Variants in NOC3L observed in about 807,000 individuals in gnomAD.
NOC3L encodes the protein NOC3 like DNA replication regulator.
NOC3L carries 85 observed loss-of-function variants against 102.5 expected under a neutral mutation model. The ratio of observed to expected loss-of-function variants is 0.83; its 90% CI spans 0.70 to 0.99. The LOEUF is 0.99. Among genes scored for constraint, NOC3L ranks in the 50% least tolerant of loss-of-function variants. The pLI is 0.00. For synonymous variants in NOC3L, 303 were observed against 309.4 expected, an observed-to-expected ratio of 0.98 and a Z score of 0.22; for missense variants, 878 against 914.9, an observed-to-expected ratio of 0.96 and a Z score of 0.52.
intron 10 of NOC3L, among the ~76,000 whole-genome samples, chr10:94,348,601 A>G (rs1285642235): frequency 6.6e-6 from 1 of 152,118 alleles, no homozygotes; most frequent in South Asian, 2.1e-4. Context: ...AGCAGGTAAA[A>G]AAAGTTTATA....
chr10:94,340,177 T>G, intron 16 of NOC3L, 99 bp downstream of exon 16: 1 of 1,018,822 alleles, frequency 9.8e-7, no homozygotes, highest in Non-Finnish European at 1.4e-6. Flanking sequence ...CACCATTTTA[T>G]GTACCTGTTC....
chr10:94,348,675 G>A (rs909632442), intron 10 of NOC3L, among the ~76,000 whole-genome samples: 2 of 152,126 alleles, frequency 1.3e-5, no homozygotes, highest in Non-Finnish European at 2.9e-5. Context: ...GAGCAGGTAG[G>A]AGGGAACTGA....
Position 94,339,870 on chromosome 10 carries a change from G to C in NOC3L, c.1831C>G (p.Leu611Val), listed in dbSNP as rs762650110. Residue 611 changes from leucine to valine, a missense_variant, in exon 17 of 21, where the codon CTA becomes GTA. Leu to Val is a conservative substitution (Grantham distance 32). Transcript: ENST00000371361. ...EIVLQCLDVM[L>V]TKRRKQVSQQ... is the part of the protein sequence containing the mutation. ...GAAACTTGCTTTCTGCGCTTAGTTA[G>C]CATGACATCAAGGCACTGGAGTACA... is the stretch of plus-strand genomic sequence containing the variant. 1.9e-6 allele frequency: 3 copies of C among 1,614,202 alleles called. No individual in the cohort carries two copies. Among genetic ancestry groups the C allele is most frequent in the Non-Finnish European group, 2.5e-6 (3 of 1,180,026 alleles).
intron 13 of NOC3L, among the ~76,000 whole-genome samples, chr10:94,342,553 TACACACACAC>T (rs3052367): frequency 1.8e-3 from 264 of 148,184 alleles, no homozygotes; most frequent in Non-Finnish European, 2.4e-3. Context: ...TGCATGAAGA[TACACACACAC>T]ACACACACAC....
the NOC3L span, among the ~76,000 whole-genome samples, chr10:94,316,989 G>A: frequency 1.3e-5 from 2 of 152,226 alleles, no homozygotes; most frequent in South Asian, 2.1e-4. Context: ...GGTGGCTCAC[G>A]CCTGTAATCT....
the NOC3L span, chr10:94,315,349 C>A: frequency 7.5e-5 from 34 of 454,658 alleles, no homozygotes; most frequent in Admixed American, 8.0e-4. Context: ...TTAATCCAGA[C>A]CAGATGGTGG....
In NOC3L at chr10:94,337,855, A is replaced by G. The variant is rs1178451034; in HGVS notation, c.2111T>C (p.Val704Ala). 1.9e-6 allele frequency: 3 copies of G among 1,613,856 alleles called. No individual in the cohort carries two copies. The African/African-American group carries it at 4.0e-5, about 22-fold the overall frequency. The change falls in exon 19 of 21, where the codon GTG becomes GCG. Residue 704 changes from valine to alanine, a missense_variant. Transcript: ENST00000371361. Reference protein sequence around the residue: ...HALRRHYHPIVQRFAAHLIAG... With the variant: ...HALRRHYHPIAQRFAAHLIAG... The stretch of plus-strand genomic sequence containing the variant: ...GATCAGGTGGGCTGCAAATCTCTGC[A>G]CTATGGGATGATAATGCCTCTGAAG...
At chr10:94,322,040 C>T in the NOC3L span, 6 of 1,614,014 alleles carry the variant, frequency 3.7e-6, no homozygotes, top group African/African-American at 1.3e-5. Flanking sequence ...GTCAGCACTG[C>T]ACAGGATGTC....
chr10:94,326,620 A>G, the NOC3L span, among the ~76,000 whole-genome samples: 1 of 152,222 alleles, frequency 6.6e-6, no homozygotes, highest in African/African-American at 2.4e-5. Context: ...AGAAGAATAC[A>G]ACTCCATTAG....
intron 5 of NOC3L, among the ~76,000 whole-genome samples, 178 bp downstream of exon 5, chr10:94,356,357 G>C (rs373688837): frequency 6.6e-6 from 1 of 152,024 alleles, no homozygotes; most frequent in South Asian, 2.1e-4. Context: ...AAAAAATAAA[G>C]AATCTATTAA....
chr10:94,352,492 C>T lies in NOC3L; in HGVS notation c.859-89G>A, dbSNP rs1018834724. On this transcript the variant is annotated intron_variant, in intron 7 of 20. Transcript: ENST00000371361. ...TAAAATATGTGTGTCTAGTATACAC[C>T]CAGTACTATTTAAAAAAACAAAAAA... 4.9e-6 allele frequency: 4 copies of T among 824,466 alleles called. No homozygotes were observed. The African/African-American group carries it at 7.0e-5, about 14-fold the overall frequency. 51.1% of individuals were successfully genotyped at this position (824,466 alleles called of 1,614,324 possible). A position where few individuals can be genotyped will look rare whatever the true frequency, so the allele number is the denominator to read the frequency against.
chr10:94,318,585 G>A, the NOC3L span, among the ~76,000 whole-genome samples: 4 of 152,152 alleles, frequency 2.6e-5, no homozygotes, highest in African/African-American at 2.4e-5. Context: ...CCACCATCCT[G>A]TGCTACCCAA....
intron 6 of NOC3L, 141 bp from the exon 7 acceptor site, chr10:94,353,198 C>G (rs2054442524): frequency 1.5e-6 from 1 of 647,252 alleles, no homozygotes; most frequent in African/African-American, 1.8e-5. Context: ...AACTCCAGAC[C>G]CTGCTCACTT....
At chr10:94,357,773 T>G in intron 3 of NOC3L, 1 of 314,366 alleles carries the variant, frequency 3.2e-6, no homozygotes, top group Non-Finnish European at 5.8e-6. Context: ...ACCAGCAGGG[T>G]AATGAGGATT....
the NOC3L span, chr10:94,316,398 G>T: frequency 3.1e-6 from 2 of 635,028 alleles, no homozygotes; most frequent in East Asian, 2.9e-5. Flanking sequence ...GAACATAAGA[G>T]AATTCTTAGA....
chr10:94,361,181 T>C (rs1453873577), intron 2 of NOC3L: 1 of 155,590 alleles, frequency 6.4e-6, no homozygotes, highest in Non-Finnish European at 1.4e-5. Flanking sequence ...TAATAATTTT[T>C]AGATAGTTTT....
the NOC3L span, among the ~76,000 whole-genome samples, chr10:94,317,633 T>C: frequency 1.3e-5 from 2 of 152,148 alleles, no homozygotes; most frequent in African/African-American, 4.8e-5. Context: ...ATATTACGTG[T>C]GCTAAGATTC....
chr10:94,357,438 G>A, intron 3 of NOC3L, 107 bp from the exon 4 acceptor site: 2 of 878,202 alleles, frequency 2.3e-6, no homozygotes, highest in Non-Finnish European at 3.2e-6. Context: ...CTTTCAATAG[G>A]TATATGGATA....
chr10:94,325,033 C>A, the NOC3L span: 318 of 1,614,180 alleles, frequency 2.0e-4, 4 homozygotes, highest in South Asian at 3.3e-3. Flanking sequence ...GGAGGAGAAA[C>A]CTGTGGGTGG....
Sources: gnomAD v4.1 joint callset for allele counts (sites outside exome capture counted in the v4.1 genomes callset) on GRCh38, gnomAD v4.1.1 for gene constraint, MANE v1.5 for transcripts, NCBI Gene and HGNC (gene_info 2026-07-23, HGNC 2026-07-21) for gene names.